Variants in TTC29 observed in about 807,000 individuals in gnomAD.
TTC29 encodes tetratricopeptide repeat domain 29, also known as tetratricopeptide repeat protein 29.
A neutral mutation model predicts 58.1 loss-of-function variants in TTC29; 49 were observed. That is an observed-to-expected ratio of 0.84 (90% CI 0.67 to 1.07). TTC29 has a LOEUF of 1.07. Ranked by LOEUF, TTC29 falls within the 50% of genes least tolerant of loss-of-function variation. TTC29 has a pLI of 0.00. For synonymous variants in TTC29, 209 were observed against 196.8 expected (o/e 1.06, Z -0.52); for missense variants, 582 against 555.6 (o/e 1.05, Z -0.48).
intron 10 of TTC29, among the ~76,000 whole-genome samples, chr4:146,811,559 T>A (rs944625290): frequency 6.6e-6 from 1 of 152,090 alleles, no homozygotes; most frequent in Admixed American, 6.6e-5. Context: ...AACATGCATG[T>A]GCACTCTTTT....
chr4:146,761,720 C>A (rs1746920567), intron 11 of TTC29, among the ~76,000 whole-genome samples: 1 of 113,132 alleles, frequency 8.8e-6, no homozygotes. Flanking sequence ...TTTACTTACT[C>A]TTTTTTAGTA....
At position 146,833,712 on chromosome 4, in the gene TTC29, G is replaced by A. The variant is rs1728318724; in HGVS notation, c.977+94C>T. On this transcript the variant is annotated intron_variant, in intron 9 of 12. Transcript: ENST00000325106. ...AAGGGCACTGCTTAAAATTTAAGCA[G>A]GCAGTAATGGAAAGCGACAGACCTC... The A allele has an allele frequency of 6.5e-6, 6 of 927,118 alleles. No individual in the cohort carries two copies. In the East Asian group the frequency reaches 1.2e-4, roughly 19 times the overall value. The allele number at this position is 927,118 out of a possible 1,614,324, so 57.4% of individuals were successfully genotyped here. A position where few individuals can be genotyped will look rare whatever the true frequency, so the allele number is the denominator to read the frequency against.
chr4:146,836,664 A>G (rs1401918325), intron 8 of TTC29, among the ~76,000 whole-genome samples: 1 of 152,290 alleles, frequency 6.6e-6, no homozygotes, highest in East Asian at 1.9e-4. Flanking sequence ...GAAAAACTCA[A>G]CCTTATTAAA....
chr4:146,820,841 G>A lies in TTC29; in HGVS notation c.978-593C>T, dbSNP rs375686036. Reference sequence around the variant, plus strand: ...AGGTCAGGAGATTGAGACCATCCTGGCTAACATGGTGAAACCCCATCTCTA... The same window carrying A: ...AGGTCAGGAGATTGAGACCATCCTGACTAACATGGTGAAACCCCATCTCTA... On this transcript the variant is annotated intron_variant, in intron 9 of 12. Transcript: ENST00000325106. Among the ~76,000 whole-genome samples the A allele has an allele frequency of 2.6e-5, 4 of 152,194 alleles. No homozygotes were observed. The East Asian group carries it at 7.7e-4, about 29-fold the overall frequency.
chr4:146,707,888 A>G (rs1742092975), intron 11 of TTC29, among the ~76,000 whole-genome samples: 1 of 152,140 alleles, frequency 6.6e-6, no homozygotes, highest in East Asian at 1.9e-4. Context: ...CATAAAGGCT[A>G]TGCAGCCTCT....
At chr4:146,835,866 A>G (rs1165416980) in intron 8 of TTC29, among the ~76,000 whole-genome samples, 1 of 152,120 alleles carries the variant, frequency 6.6e-6, no homozygotes, top group Non-Finnish European at 1.5e-5. Flanking sequence ...ATGGGTAGAT[A>G]CTTCAGTGTT....
intron 10 of TTC29, chr4:146,812,796 T>C (rs1475020714): frequency 6.6e-6 from 1 of 152,236 alleles, no homozygotes; most frequent in Non-Finnish European, 1.5e-5. Flanking sequence ...ATTGTACTTG[T>C]GGATGTTTAA....
intron 11 of TTC29, among the ~76,000 whole-genome samples, chr4:146,799,250 A>G (rs1345963656): frequency 6.6e-6 from 1 of 152,174 alleles, no homozygotes; most frequent in Non-Finnish European, 1.5e-5. Context: ...TATAAGATGG[A>G]TGAAACCTAC....
intron 4 of TTC29, among the ~76,000 whole-genome samples, chr4:146,925,447 CA>C (rs1734866596): frequency 6.6e-6 from 1 of 151,982 alleles, no homozygotes; most frequent in Admixed American, 6.6e-5. Context: ...TATAAAATAT[CA>C]TTTTTTTCCA....
intron 8 of TTC29, among the ~76,000 whole-genome samples, chr4:146,853,671 C>A (rs1017351879): frequency 1.3e-5 from 2 of 152,054 alleles, no homozygotes; most frequent in Non-Finnish European, 2.9e-5. Context: ...TAGGTAAATT[C>A]CAAAATGAGC....
chr4:146,742,363 C>A (rs148604792), intron 11 of TTC29, among the ~76,000 whole-genome samples: 1 of 152,100 alleles, frequency 6.6e-6, no homozygotes. Flanking sequence ...TTGCAGGGGG[C>A]TAACAAAGAA....
At chr4:146,942,516 G>A (rs1736500866) in intron 2 of TTC29, 1 of 943,192 alleles carries the variant, frequency 1.1e-6, no homozygotes, top group Non-Finnish European at 1.6e-6. Flanking sequence ...CATATGGTAA[G>A]AAGTTATAAC....
At chr4:146,883,306 G>A (rs753790222) in intron 6 of TTC29, among the ~76,000 whole-genome samples, 19 of 152,014 alleles carry the variant, frequency 1.2e-4, no homozygotes, top group South Asian at 2.1e-4. Context: ...TAGTTGCAAC[G>A]GGTGCGGAAA....
intron 11 of TTC29, among the ~76,000 whole-genome samples, chr4:146,722,275 T>C (rs1254429754): frequency 6.6e-6 from 1 of 152,196 alleles, no homozygotes; most frequent in Non-Finnish European, 1.5e-5. Context: ...GCTGTTCCTA[T>C]CAAGCTACCA....
chr4:146,827,612 C>A (rs989478202), intron 9 of TTC29, among the ~76,000 whole-genome samples: 1 of 152,154 alleles, frequency 6.6e-6, no homozygotes, highest in Admixed American at 6.5e-5. Flanking sequence ...TAACTTTGAT[C>A]ATACTAAAGT....
intron 6 of TTC29, among the ~76,000 whole-genome samples, chr4:146,886,266 C>T (rs762739158): frequency 6.6e-6 from 1 of 152,042 alleles, no homozygotes; most frequent in African/African-American, 2.4e-5. Flanking sequence ...TTGTAGGTTA[C>T]GTCACCCACA....
At chr4:146,902,677 C>G (rs912199392) in intron 6 of TTC29, among the ~76,000 whole-genome samples, 10 of 152,106 alleles carry the variant, frequency 6.6e-5, no homozygotes, top group African/African-American at 2.4e-4. Flanking sequence ...TGATCTCTCA[C>G]TTCTCTGAGC....
intron 3 of TTC29, among the ~76,000 whole-genome samples, 154 bp from the exon 4 acceptor site, chr4:146,937,831 T>C (rs1435208381): frequency 6.6e-6 from 1 of 152,158 alleles, no homozygotes; most frequent in African/African-American, 2.4e-5. Flanking sequence ...TGGTTGATCA[T>C]TTCAAAATTT....
chr4:146,817,793 T>C (rs1395419821), intron 10 of TTC29, among the ~76,000 whole-genome samples: 1 of 152,180 alleles, frequency 6.6e-6, no homozygotes, highest in African/African-American at 2.4e-5. Flanking sequence ...TCTACAAGTA[T>C]CTGATCTTTG....
Sources: gnomAD v4.1 joint callset for allele counts (sites outside exome capture counted in the v4.1 genomes callset) on GRCh38, gnomAD v4.1.1 for gene constraint, MANE v1.5 for transcripts, NCBI Gene and HGNC (gene_info 2026-07-23, HGNC 2026-07-21) for gene names.